DMD: variants seen among roughly 807,000 people sequenced by gnomAD.
The protein encoded by DMD is dystrophin.
In DMD, 63 loss-of-function variants were observed where a neutral mutation model predicts 330.1. The ratio of observed to expected loss-of-function variants is 0.19; its 90% CI spans 0.16 to 0.24. The LOEUF (loss-of-function observed/expected upper bound fraction) is 0.24. Ranked by LOEUF, DMD falls within the 10% of genes least tolerant of loss-of-function variation. The probability of loss-of-function intolerance (pLI) is 1.00; values close to 1 mark genes in which losing one functional copy is unlikely to be tolerated. For missense variants in DMD, 3,344 were observed against 2,684.1 expected, an observed-to-expected ratio of 1.25 and a Z score of -5.43; for synonymous variants, 1,223 against 959.8, an observed-to-expected ratio of 1.27 and a Z score of -5.07.
At chrX:32,195,055 A>C (rs747301392) in intron 44 of DMD, among the ~76,000 whole-genome samples, 16 of 110,397 alleles carry the variant, frequency 1.4e-4, no homozygotes, top group African/African-American at 5.2e-4. Flanking sequence ...GATGGGGGAG[A>C]TGCAGAGGAA....
chrX:32,207,896 A>G (rs756189615), intron 44 of DMD, among the ~76,000 whole-genome samples: 14 of 112,015 alleles, frequency 1.2e-4, no homozygotes, highest in Non-Finnish European at 1.7e-4. Flanking sequence ...TACAACAGCC[A>G]TAAATTATAA....
chrX:32,985,536 T>A (rs2092821344), intron 2 of DMD, among the ~76,000 whole-genome samples: 1 of 111,168 alleles, frequency 9.0e-6, no homozygotes, highest in African/African-American at 3.3e-5. Context: ...AAAAAAAAAA[T>A]CATATTTAGA....
chrX:31,721,030 T>C (rs2085429644), intron 52 of DMD, among the ~76,000 whole-genome samples: 2 of 111,866 alleles, frequency 1.8e-5, no homozygotes, highest in Admixed American at 9.5e-5. Context: ...ACTTGTTTTT[T>C]ATATATCAGT....
chrX:32,460,423 TTATTCTTCTTC>T (rs1360877232), intron 25 of DMD, among the ~76,000 whole-genome samples: 2 of 110,303 alleles, frequency 1.8e-5, no homozygotes, highest in African/African-American at 6.6e-5. Flanking sequence ...CCCTTTTGAT[TTATTCTTCTTC>T]TAATAGGAAT....
chrX:33,023,838 T>G (rs1000944406), intron 1 of DMD, among the ~76,000 whole-genome samples: 1 of 111,556 alleles, frequency 9.0e-6, no homozygotes, highest in African/African-American at 3.2e-5. Flanking sequence ...TAGAGTTCAC[T>G]GACCTCCTTG....
intron 63 of DMD, among the ~76,000 whole-genome samples, chrX:31,235,485 G>T (rs1251676410): frequency 8.9e-6 from 1 of 112,181 alleles, no homozygotes; most frequent in South Asian, 3.7e-4. Flanking sequence ...TCTTATACTT[G>T]AGGGAAAAAA....
chrX:31,369,217 G>T (rs374780192), intron 60 of DMD, among the ~76,000 whole-genome samples: 8 of 112,627 alleles, frequency 7.1e-5, no homozygotes, highest in Middle Eastern at 4.6e-3. Flanking sequence ...AACAAGATTT[G>T]TTGGAACTTC....
intron 48 of DMD, among the ~76,000 whole-genome samples, chrX:31,840,570 T>A (rs983655800): frequency 2.8e-5 from 3 of 105,968 alleles, no homozygotes; most frequent in Non-Finnish European, 3.9e-5. Context: ...TTTTTTTTTT[T>A]ACAAACTGAA....
At chrX:32,092,373 C>A (rs907230385) in intron 44 of DMD, among the ~76,000 whole-genome samples, 6 of 111,950 alleles carry the variant, frequency 5.4e-5, no homozygotes, top group African/African-American at 1.9e-4. Context: ...AAGGCCCCTT[C>A]TGGGTCTCTT....
chrX:33,116,052 G>C (rs748811553), intron 1 of DMD, among the ~76,000 whole-genome samples: 2 of 108,880 alleles, frequency 1.8e-5, no homozygotes, highest in Non-Finnish European at 3.8e-5. Context: ...AATTGGCCAG[G>C]CATGGTGGCG....
chrX:31,234,246 T>C (rs1010646542), intron 63 of DMD, among the ~76,000 whole-genome samples: 3 of 112,512 alleles, frequency 2.7e-5, no homozygotes, highest in Non-Finnish European at 5.6e-5. Context: ...TACACTCTTT[T>C]TCAGGTCCCT....
intron 2 of DMD, among the ~76,000 whole-genome samples, chrX:32,999,132 A>G (rs918960428): frequency 1.8e-5 from 2 of 112,573 alleles, no homozygotes; most frequent in Non-Finnish European, 3.7e-5. Flanking sequence ...CAGAGGAAAC[A>G]AATTGATCGC....
chrX:32,463,652 T>C (rs1319112690), intron 24 of DMD, 58 bp from the exon 25 acceptor site: 15 of 1,001,547 alleles, frequency 1.5e-5, no homozygotes, highest in African/African-American at 1.9e-5. Context: ...ATATTAGATA[T>C]GAAACATAGC....
chrX:31,875,086 A>G, intron 48 of DMD, 102 bp downstream of exon 48: 1 of 754,578 alleles, frequency 1.3e-6, no homozygotes, highest in Non-Finnish European at 1.9e-6. Flanking sequence ...CACTTTAACA[A>G]GTAATATTTT....
chrX:33,332,073 T>G (rs1268042036), intron 1 of DMD, among the ~76,000 whole-genome samples: 1 of 111,839 alleles, frequency 8.9e-6, no homozygotes, highest in Non-Finnish European at 1.9e-5. Flanking sequence ...CACTGAAACA[T>G]TACAGCTAAC....
chrX:32,397,434 C>T (rs1204670970), intron 30 of DMD, among the ~76,000 whole-genome samples: 2 of 111,527 alleles, frequency 1.8e-5, no homozygotes, highest in East Asian at 5.7e-4. Flanking sequence ...AATCCAGTAC[C>T]TTTCAGAATC....
intron 60 of DMD, among the ~76,000 whole-genome samples, chrX:31,407,054 C>CT (rs2061425669): frequency 8.9e-6 from 1 of 112,612 alleles, no homozygotes; most frequent in Non-Finnish European, 1.9e-5. Context: ...AGTTCTTGAA[C>CT]TCTGCTCATG....
intron 1 of DMD, among the ~76,000 whole-genome samples, chrX:33,219,425 T>C (rs2148872678): frequency 9.7e-6 from 1 of 103,062 alleles, no homozygotes; most frequent in South Asian, 4.8e-4. Context: ...TCTGGAACCT[T>C]GTGAGTTCAT....
chrX:31,913,303 G>A (rs1188024243), intron 47 of DMD, among the ~76,000 whole-genome samples: 3 of 111,540 alleles, frequency 2.7e-5, no homozygotes, highest in South Asian at 3.7e-4. Context: ...GTAACATGTC[G>A]AACTAACTAT....
Sources: allele counts gnomAD v4.1 joint callset (sites outside exome capture counted in the v4.1 genomes callset), GRCh38; gene constraint gnomAD v4.1.1; transcripts MANE v1.5; gene names NCBI Gene and HGNC (gene_info 2026-07-23, HGNC 2026-07-21).